Variants in TRRAP observed in about 807,000 individuals in gnomAD.
TRRAP encodes the protein transformation/transcription domain associated protein.
Under a neutral mutation model 438.8 loss-of-function variants are expected in TRRAP, and 41 were observed. The ratio of observed to expected loss-of-function variants is 0.09; its 90% CI spans 0.07 to 0.12. TRRAP has a LOEUF of 0.12. TRRAP is among the 10% of genes least tolerant of loss of function. The pLI is 1.00. For missense variants in TRRAP, 3,122 were observed against 5,055.1 expected (o/e 0.62, Z 11.60); for synonymous variants, 1,994 against 1,962.9 (o/e 1.02, Z -0.42).
chr7:98,960,576 A>G (rs1298043952), intron 45 of TRRAP, among the ~76,000 whole-genome samples: 4 of 151,974 alleles, frequency 2.6e-5, no homozygotes, highest in Non-Finnish European at 4.4e-5. Context: ...TTGTCTTTGG[A>G]AGGATATTTG....
Position 98,948,073 on chromosome 7 carries a change from G to C in TRRAP, c.4549-148G>C. 1 of 1,138,110 alleles carries C rather than the reference G, an allele frequency of 8.8e-7. No homozygotes were observed. The highest frequency in any genetic ancestry group is 1.5e-5 in the South Asian group (1 of 68,712). The allele number at this position is 1,138,110 out of a possible 1,614,324, so 70.5% of individuals were successfully genotyped here. On this transcript the variant is annotated intron_variant, in intron 33 of 72. Transcript: ENST00000456197. This position sits in a 1 kb window ranked among gnomAD's most constrained non-coding sequence, Gnocchi z 4.9. The stretch of plus-strand genomic sequence containing the variant: ...ACAGCACAGTTAGAACCTAAGGCTA[G>C]TAAGTTGTGGCTTTTACATGTGAAC...
intron 59 of TRRAP, 51 bp from the exon 60 acceptor site, chr7:98,983,213 T>A: frequency 6.6e-7 from 1 of 1,505,108 alleles, no homozygotes; most frequent in Non-Finnish European, 9.0e-7. Context: ...GTTTTTCCCG[T>A]TTGATCTTTA....
In TRRAP at chr7:98,991,236, G is replaced by A. The variant is rs568027369; in HGVS notation, c.9756+617G>A. Among the ~76,000 whole-genome samples the A allele has an allele frequency of 1.3e-5, 2 of 152,340 alleles. 1 individual carries two copies. Among genetic ancestry groups the A allele is most frequent in the African/African-American group, 4.8e-5 (2 of 41,574 alleles). On this transcript the variant is annotated intron_variant, in intron 64 of 72. Transcript: ENST00000456197. ...AGGAAGGACCAGAAACGGCGGAAGC[G>A]TGGCTACAGTGAGGTTTGGGACACA...
intron 46 of TRRAP, among the ~76,000 whole-genome samples, 188 bp downstream of exon 46, chr7:98,961,662 G>A (rs1307865808): frequency 6.6e-6 from 1 of 152,238 alleles, no homozygotes; most frequent in Non-Finnish European, 1.5e-5. Context: ...GCTCACGCCT[G>A]TAATCCCAGC....
At chr7:98,901,383 A>G (rs1357467583) in intron 11 of TRRAP, among the ~76,000 whole-genome samples, 1 of 152,208 alleles carries the variant, frequency 6.6e-6, no homozygotes, top group Admixed American at 6.5e-5. Context: ...GTGTCCAGAT[A>G]CAGTCACATA....
rs935334752 is a variant in TRRAP at position 99,011,293 on chromosome 7, C to G, written c.11142+38C>G. 2 of 1,612,850 alleles carry G rather than the reference C, an allele frequency of 1.2e-6. No homozygotes were observed. Among genetic ancestry groups the G allele is most frequent in the Non-Finnish European group, 1.7e-6 (2 of 1,178,790 alleles). ...GAACAGCCAGATCCTCTCCTCGTGA[C>G]ATCGCCTTTCTGCTGAAGTTCCTAA... On this transcript the variant is annotated intron_variant, in intron 71 of 72. Transcript: ENST00000456197. This position sits in a 1 kb window ranked among gnomAD's most constrained non-coding sequence, Gnocchi z 7.1.
At position 98,908,712 on chromosome 7, in the gene TRRAP, AG is replaced by A; in HGVS notation, c.1116-14del. 6.5e-7 allele frequency: 1 copy of A among 1,542,818 alleles called. No homozygotes were observed. Among genetic ancestry groups the A allele is most frequent in the Non-Finnish European group, 8.7e-7 (1 of 1,146,538 alleles). On this transcript the variant is annotated splice_polypyrimidine_tract_variant and intron_variant, in intron 13 of 72. Coordinates refer to ENST00000456197, the MANE Select transcript of TRRAP (RefSeq NM_001375524.1). This position sits in a 1 kb window ranked among gnomAD's most constrained non-coding sequence, Gnocchi z 4.1. ...GCCACGTGGGAATGAGCACTAGTCG[AG>A]GTCTCTGCCCGCAGGCCCCTCGCCT...
At chr7:98,957,918 C>A in intron 43 of TRRAP, 63 bp from the exon 44 acceptor site, 1 of 1,475,556 alleles carries the variant, frequency 6.8e-7, no homozygotes, top group Non-Finnish European at 9.3e-7. Context: ...GGTGAAAAGT[C>A]AAGCCTGGGT....
rs566077102 is a variant in TRRAP, at chr7:98,928,467, A to G, written c.3175+1101A>G. On this transcript the variant is annotated intron_variant, in intron 23 of 72. Coordinates refer to ENST00000456197, the MANE Select transcript of TRRAP (RefSeq NM_001375524.1). Reference sequence around the variant, plus strand: ...TAACTTTTCTTGGCCTGACGGGTCAATACTGTACAATTTAGCACTTTGATT... The same window carrying G: ...TAACTTTTCTTGGCCTGACGGGTCAGTACTGTACAATTTAGCACTTTGATT... Among the ~76,000 whole-genome samples, 29 of 152,268 alleles carry G rather than the reference A, an allele frequency of 1.9e-4. No homozygotes were observed. The South Asian group carries it at 6.0e-3, about 32-fold the overall frequency.
chr7:98,989,047 A>C, intron 63 of TRRAP, 81 bp downstream of exon 63: 1 of 1,456,246 alleles, frequency 6.9e-7, no homozygotes, highest in Non-Finnish European at 9.3e-7. Flanking sequence ...TAGTTTACTC[A>C]TCCGTGCCGG....
intron 19 of TRRAP, among the ~76,000 whole-genome samples, chr7:98,916,555 G>A (rs919944496): frequency 6.6e-5 from 10 of 152,146 alleles, no homozygotes; most frequent in Non-Finnish European, 1.0e-4. Flanking sequence ...CTACCCAGGA[G>A]GCAGCAGGGA....
chr7:98,954,555 G>A (rs186854340), intron 40 of TRRAP, among the ~76,000 whole-genome samples: 1 of 152,170 alleles, frequency 6.6e-6, no homozygotes, highest in Non-Finnish European at 1.5e-5. Context: ...AAACACTCGA[G>A]AACTCTGTGA....
At position 98,910,394 on chromosome 7, in the gene TRRAP, C is replaced by T. The variant is rs907198404; in HGVS notation, c.1689C>T (p.Gly563=). The T allele has an allele frequency of 6.2e-7, 1 of 1,608,820 alleles. No homozygotes were observed. Reference sequence around the variant, plus strand: ...GTGGTGTCAAGACAATCACGTGGGGCATAACATCATGCAAAGCACCTGGTG... The same window carrying T: ...GTGGTGTCAAGACAATCACGTGGGGTATAACATCATGCAAAGCACCTGGTG... ...LVCGVKTITW[G]ITSCKAPGEA... The change falls in exon 15 of 73, where the codon GGC becomes GGT. Residue 563 remains glycine (G), a synonymous_variant. Coordinates refer to ENST00000456197, the MANE Select transcript of TRRAP (RefSeq NM_001375524.1).
At chr7:98,881,310 C>A (rs781944393) in intron 2 of TRRAP, 60 bp downstream of exon 2, 9 of 1,489,366 alleles carry the variant, frequency 6.0e-6, no homozygotes, top group Middle Eastern at 1.8e-4. Flanking sequence ...CGGTGGCTCA[C>A]GTCTGTAATC....
At chr7:98,939,445 T>C (rs1554415077) in intron 30 of TRRAP, among the ~76,000 whole-genome samples, 1 of 152,214 alleles carries the variant, frequency 6.6e-6, no homozygotes, top group Non-Finnish European at 1.5e-5. Context: ...TATATGCTAG[T>C]TTCTTCATAT....
intron 65 of TRRAP, among the ~76,000 whole-genome samples, chr7:98,992,872 A>G (rs1293250703): frequency 1.3e-5 from 2 of 152,154 alleles, no homozygotes; most frequent in East Asian, 1.9e-4. Context: ...TGCATGGCAC[A>G]TTTCAGCTCT....
Position 98,992,267 on chromosome 7 carries a change from GC to G in TRRAP, c.9847+41del, listed in dbSNP as rs753441412. ...GGGCCGGTAGGCCAGGCCGGGAAGG[GC>G]TCATTCCAGGGGGTGCCCCACATCC... On this transcript the variant is annotated intron_variant, in intron 65 of 72. Transcript: ENST00000456197. 21 of 1,605,208 alleles carry G rather than the reference GC, an allele frequency of 1.3e-5. No individual in the cohort carries two copies. The South Asian group carries it at 2.3e-4, about 18-fold the overall frequency.
chr7:99,004,114 G>C, intron 67 of TRRAP, 76 bp from the exon 68 acceptor site: 1 of 1,340,886 alleles, frequency 7.5e-7, no homozygotes, highest in African/African-American at 1.5e-5. Context: ...GCTGGTAGGG[G>C]CTTGAGCGTT....
Position 98,911,397 on chromosome 7 carries a change from T to G in TRRAP, c.2007+126T>G, listed in dbSNP as rs73155619. On this transcript the variant is annotated intron_variant, in intron 17 of 72. Coordinates refer to ENST00000456197, the MANE Select transcript of TRRAP (RefSeq NM_001375524.1). Reference sequence around the variant, plus strand: ...CAAGGATGTGCTTATAGCTCAAAATTTAAAGAAATATTAGGCCATAATGTC... The same window carrying G: ...CAAGGATGTGCTTATAGCTCAAAATGTAAAGAAATATTAGGCCATAATGTC... 32,792 of 944,068 alleles carry G rather than the reference T, an allele frequency of 0.035. 671 individuals carry two copies. Among genetic ancestry groups the G allele is most frequent in the Middle Eastern group, 0.055 (160 of 2,884 alleles). 58.5% of individuals were successfully genotyped at this position (944,068 alleles called of 1,614,324 possible). A position where few individuals can be genotyped will look rare whatever the true frequency, so the allele number is the denominator to read the frequency against.
Sources: gnomAD v4.1 joint callset for allele counts (sites outside exome capture counted in the v4.1 genomes callset) on GRCh38, gnomAD v4.1.1 for gene constraint, Gnocchi (gnomAD v3.1) non-coding constraint, MANE v1.5 for transcripts, NCBI Gene and HGNC (gene_info 2026-07-23, HGNC 2026-07-21) for gene names.